JARID2: variants seen among roughly 807,000 people sequenced by gnomAD.
The protein encoded by JARID2 is protein Jumonji.
JARID2 carries 21 observed loss-of-function variants against 125.6 expected under a neutral mutation model. The ratio of observed to expected loss-of-function variants is 0.17; its 90% confidence interval spans 0.12 to 0.24. The LOEUF is 0.24. JARID2 is among the 10% of genes least tolerant of loss of function. The pLI is 1.00. For synonymous variants in JARID2, 736 were observed against 661.6 expected (o/e 1.11, Z -1.73); for missense variants, 1,303 against 1,639.6 (o/e 0.79, Z 3.55).
At chr6:15,355,162 G>GTA (rs1220675482) in intron 1 of JARID2, among the ~76,000 whole-genome samples, 2 of 152,140 alleles carry the variant, frequency 1.3e-5, no homozygotes, top group Admixed American at 1.3e-4. Context: ...AAAGTAGTTA[G>GTA]TATAAGTTAT....
intron 1 of JARID2, among the ~76,000 whole-genome samples, chr6:15,274,145 G>T (rs946076913): frequency 2.6e-5 from 4 of 152,244 alleles, no homozygotes; most frequent in Middle Eastern, 3.4e-3. Flanking sequence ...GGCCAGGCTG[G>T]TCTTGAACTC....
At chr6:15,259,832 G>A (rs62397312) in intron 1 of JARID2, among the ~76,000 whole-genome samples, 1 of 152,112 alleles carries the variant, frequency 6.6e-6, no homozygotes, top group African/African-American at 2.4e-5. Flanking sequence ...TTAAAGCCAC[G>A]ATGAGCTGTC....
intron 7 of JARID2, among the ~76,000 whole-genome samples, chr6:15,500,506 ACTC>A (rs1377013834): frequency 6.6e-6 from 1 of 151,706 alleles, no homozygotes; most frequent in Non-Finnish European, 1.5e-5. Context: ...ACCCCTACCC[ACTC>A]CTCACCAGGG....
intron 1 of JARID2, among the ~76,000 whole-genome samples, chr6:15,335,188 CTCGTGGCT>C (rs1452306103): frequency 1.3e-5 from 2 of 152,122 alleles, no homozygotes; most frequent in South Asian, 4.1e-4. Flanking sequence ...CAACCTCCGT[CTCGTGGCT>C]TCAAGCGATT....
At chr6:15,286,221 A>T (rs2127387280) in intron 1 of JARID2, among the ~76,000 whole-genome samples, 1 of 152,108 alleles carries the variant, frequency 6.6e-6, no homozygotes, top group East Asian at 1.9e-4. Context: ...AATGTGAGTT[A>T]GAATAGCAAT....
At chr6:15,426,718 C>G (rs1402176217) in intron 3 of JARID2, among the ~76,000 whole-genome samples, 2 of 152,196 alleles carry the variant, frequency 1.3e-5, no homozygotes, top group Non-Finnish European at 2.9e-5. Flanking sequence ...AAACCCCAAT[C>G]TTGCTTGCTT....
chr6:15,438,909 G>GT (rs1257054835), intron 3 of JARID2, among the ~76,000 whole-genome samples: 2 of 152,008 alleles, frequency 1.3e-5, no homozygotes, highest in African/African-American at 4.8e-5. Flanking sequence ...TTGGGTACCT[G>GT]TAATTCCAGC....
chr6:15,351,995 C>G (rs980084017), intron 1 of JARID2, among the ~76,000 whole-genome samples: 1 of 152,056 alleles, frequency 6.6e-6, no homozygotes, highest in East Asian at 1.9e-4. Flanking sequence ...ATCACTGCGC[C>G]GAATCTGAGG....
At chr6:15,318,325 A>G (rs1762244993) in intron 1 of JARID2, among the ~76,000 whole-genome samples, 1 of 152,224 alleles carries the variant, frequency 6.6e-6, no homozygotes, top group Admixed American at 6.5e-5. Flanking sequence ...AGCATGTTAG[A>G]TGTAGGCAAT....
At chr6:15,480,139 T>A (rs916591249) in intron 5 of JARID2, among the ~76,000 whole-genome samples, 15 of 152,208 alleles carry the variant, frequency 9.9e-5, no homozygotes, top group Non-Finnish European at 1.8e-4. Context: ...TTAACACATT[T>A]CTTCTTTATT....
intron 1 of JARID2, among the ~76,000 whole-genome samples, chr6:15,330,364 A>T (rs1177725584): frequency 6.6e-6 from 1 of 152,260 alleles, no homozygotes; most frequent in Non-Finnish European, 1.5e-5. Flanking sequence ...ATCCTGCGCC[A>T]GCATTGGAAT....
chr6:15,502,820 G>GT (rs749725680), intron 8 of JARID2, among the ~76,000 whole-genome samples: 7 of 152,196 alleles, frequency 4.6e-5, no homozygotes, highest in Non-Finnish European at 7.3e-5. Flanking sequence ...TGGGGATGCG[G>GT]TGTGGGGGTT....
At chr6:15,387,240 C>T (rs931271040) in intron 2 of JARID2, among the ~76,000 whole-genome samples, 6 of 152,100 alleles carry the variant, frequency 3.9e-5, no homozygotes, top group African/African-American at 9.7e-5. Context: ...AGACAGTGTG[C>T]GTGTGCCTGT....
intron 1 of JARID2, among the ~76,000 whole-genome samples, chr6:15,308,226 T>G (rs145080925): frequency 6.6e-6 from 1 of 152,332 alleles, no homozygotes; most frequent in Non-Finnish European, 1.5e-5. Flanking sequence ...TTAAATATCA[T>G]TTCTATGATG....
intron 2 of JARID2, among the ~76,000 whole-genome samples, chr6:15,384,371 A>AT (rs370485500): frequency 0.023 from 3,122 of 135,378 alleles, 57 homozygotes; most frequent in South Asian, 0.043. Context: ...GCCCACTTTG[A>AT]TTTTTTTTTT....
chr6:15,443,695 A>G (rs931887774), intron 3 of JARID2, among the ~76,000 whole-genome samples: 5 of 152,208 alleles, frequency 3.3e-5, no homozygotes, highest in African/African-American at 1.2e-4. Context: ...AAATTACTAC[A>G]TTCAGGTACC....
At chr6:15,274,053 G>A (rs1029386223) in intron 1 of JARID2, among the ~76,000 whole-genome samples, 1 of 151,748 alleles carries the variant, frequency 6.6e-6, no homozygotes, top group Non-Finnish European at 1.5e-5. Context: ...CTCAGCCTCC[G>A]GAGTAGATGG....
At chr6:15,438,962 G>C (rs371580014) in intron 3 of JARID2, among the ~76,000 whole-genome samples, 1 of 151,972 alleles carries the variant, frequency 6.6e-6, no homozygotes. Context: ...AACCCGGAAG[G>C]GGGAGGTTTT....
intron 1 of JARID2, among the ~76,000 whole-genome samples, chr6:15,325,127 C>T (rs993418370): frequency 2.0e-5 from 3 of 152,058 alleles, no homozygotes; most frequent in African/African-American, 7.2e-5. Context: ...TTTACTTCCT[C>T]TTCAAACATG....
Sources: gnomAD v4.1 joint callset for allele counts (sites outside exome capture counted in the v4.1 genomes callset) on GRCh38, gnomAD v4.1.1 for gene constraint, MANE v1.5 for transcripts, NCBI Gene and HGNC (gene_info 2026-07-23, HGNC 2026-07-21) for gene names.